The following IFT56 variants were observed in gnomAD, a reference collection of about 807,000 sequenced individuals.
IFT56 encodes the protein intraflagellar transport protein 56.
the IFT56 span, among the ~76,000 whole-genome samples, chr7:139,141,047 T>C: frequency 6.7e-6 from 1 of 149,674 alleles, no homozygotes; most frequent in Non-Finnish European, 1.5e-5. Context: ...GATCACGAGG[T>C]CAGGAGATCG....
the IFT56 span, among the ~76,000 whole-genome samples, chr7:139,160,579 G>A: frequency 4.6e-5 from 7 of 152,002 alleles, no homozygotes; most frequent in Non-Finnish European, 7.4e-5. Context: ...ACAGGCTCGC[G>A]CTACCACGCC....
chr7:139,134,616 C>A, the IFT56 span: 1 of 1,547,822 alleles, frequency 6.5e-7, no homozygotes, highest in South Asian at 1.3e-5. Flanking sequence ...ATCTGATAAT[C>A]AGAATTGGAC....
chr7:139,145,649 C>T, the IFT56 span, among the ~76,000 whole-genome samples: 1 of 152,022 alleles, frequency 6.6e-6, no homozygotes, highest in African/African-American at 2.4e-5. Flanking sequence ...CTCCTGAGCT[C>T]AAGTGATCTG....
At chr7:139,138,453 C>T in the IFT56 span, among the ~76,000 whole-genome samples, 1 of 152,162 alleles carries the variant, frequency 6.6e-6, no homozygotes, top group South Asian at 2.1e-4. Flanking sequence ...TCCAAGATTT[C>T]AGGCATCTAC....
At chr7:139,171,716 G>C in the IFT56 span, among the ~76,000 whole-genome samples, 2 of 152,162 alleles carry the variant, frequency 1.3e-5, no homozygotes, top group Admixed American at 6.5e-5. Context: ...TGAAATCTAA[G>C]ACCTTAAATA....
At chr7:139,139,823 T>G in the IFT56 span, 1 of 984,974 alleles carries the variant, frequency 1.0e-6, no homozygotes, top group Non-Finnish European at 1.6e-6. Context: ...TCCTATTCCA[T>G]TGTGGAAGAA....
chr7:139,142,165 T>C, the IFT56 span: 1 of 1,356,296 alleles, frequency 7.4e-7, no homozygotes, highest in Non-Finnish European at 1.1e-6. Flanking sequence ...TGAGTAAGGT[T>C]TGGGAAGATT....
chr7:139,180,268 C>T, the IFT56 span, among the ~76,000 whole-genome samples: 283 of 152,044 alleles, frequency 1.9e-3, 1 homozygote, highest in Middle Eastern at 0.041. Flanking sequence ...ACCCGGGAGG[C>T]GGAGCTGCAG....
the IFT56 span, among the ~76,000 whole-genome samples, chr7:139,167,498 A>G: frequency 6.6e-6 from 1 of 152,172 alleles, no homozygotes. Context: ...TAGGGAGGGT[A>G]TCTATTAAAG....
chr7:139,188,221 C>T, the IFT56 span, among the ~76,000 whole-genome samples: 65 of 151,686 alleles, frequency 4.3e-4, no homozygotes, highest in Admixed American at 3.7e-3. Context: ...CTGCCTCACT[C>T]TCCTGAGTAG....
the IFT56 span, among the ~76,000 whole-genome samples, chr7:139,158,532 A>G: frequency 1.3e-5 from 2 of 152,262 alleles, no homozygotes; most frequent in Admixed American, 1.3e-4. Flanking sequence ...ATGTTGAAGT[A>G]TAGCATGTTG....
At chr7:139,145,685 G>C in the IFT56 span, among the ~76,000 whole-genome samples, 1 of 151,194 alleles carries the variant, frequency 6.6e-6, no homozygotes, top group African/African-American at 2.4e-5. Flanking sequence ...CAAAGTGCTG[G>C]GATTATAGGC....
the IFT56 span, among the ~76,000 whole-genome samples, chr7:139,151,668 A>T: frequency 1.3e-5 from 2 of 152,202 alleles, no homozygotes; most frequent in African/African-American, 4.8e-5. Flanking sequence ...TACATAGTAA[A>T]CTCTCAGTAA....
the IFT56 span, chr7:139,138,047 A>G: frequency 4.8e-6 from 3 of 631,494 alleles, no homozygotes; most frequent in Non-Finnish European, 5.2e-6. Flanking sequence ...ATGCAGAAGG[A>G]AACAAAGAGA....
At chr7:139,163,488 C>G in the IFT56 span, among the ~76,000 whole-genome samples, 1 of 152,042 alleles carries the variant, frequency 6.6e-6, no homozygotes, top group African/African-American at 2.4e-5. Context: ...TTTGTGACTC[C>G]TAAGAGTGAG....
the IFT56 span, among the ~76,000 whole-genome samples, chr7:139,183,002 G>A: frequency 2.2e-4 from 34 of 152,194 alleles, no homozygotes; most frequent in South Asian, 2.5e-3. Flanking sequence ...AAAATAAGAA[G>A]GAAAAATGTA....
chr7:139,156,389 C>CTT, the IFT56 span, among the ~76,000 whole-genome samples: 35 of 147,530 alleles, frequency 2.4e-4, no homozygotes, highest in African/African-American at 8.3e-4. Flanking sequence ...TTAGTTTTCT[C>CTT]TTTTTTTTTT....
At chr7:139,171,611 T>C in the IFT56 span, among the ~76,000 whole-genome samples, 1 of 152,104 alleles carries the variant, frequency 6.6e-6, no homozygotes, top group African/African-American at 2.4e-5. Context: ...TTCAATAAAT[T>C]ATGCTGGGAA....
chr7:139,163,306 C>T, the IFT56 span, among the ~76,000 whole-genome samples: 1 of 149,092 alleles, frequency 6.7e-6, no homozygotes, highest in Middle Eastern at 3.2e-3. Context: ...CGCGCCACTG[C>T]ACTCCAGCCT....
Sources: allele counts gnomAD v4.1 joint callset (sites outside exome capture counted in the v4.1 genomes callset), GRCh38; gene constraint gnomAD v4.1.1; transcripts MANE v1.5; gene names NCBI Gene and HGNC (gene_info 2026-07-23, HGNC 2026-07-21).